The following PPARGC1A variants were observed in gnomAD, a reference collection of about 807,000 sequenced individuals.
PPARGC1A encodes the protein peroxisome proliferator-activated receptor gamma coactivator 1-alpha.
In PPARGC1A, 25 loss-of-function variants were observed where a neutral mutation model predicts 88.7. That is an observed-to-expected ratio of 0.28 (90% CI 0.21 to 0.39). The LOEUF (loss-of-function observed/expected upper bound fraction) is 0.39. Ranked by LOEUF, PPARGC1A falls within the 10% of genes least tolerant of loss-of-function variation. The probability of loss-of-function intolerance (pLI) is 1.00; values close to 1 mark genes in which losing one functional copy is unlikely to be tolerated. For missense variants in PPARGC1A, 880 were observed against 968.7 expected (o/e 0.91, Z 1.22); for synonymous variants, 363 against 355.6 (o/e 1.02, Z -0.24).
chr4:23,996,569 C>T, the PPARGC1A span, among the ~76,000 whole-genome samples: 1 of 152,134 alleles, frequency 6.6e-6, no homozygotes, highest in Non-Finnish European at 1.5e-5. Context: ...CGTACTTCCC[C>T]TACTCTCTCC....
intron 3 of PPARGC1A, 67 bp from the exon 4 acceptor site, chr4:23,829,652 T>C: frequency 7.0e-7 from 1 of 1,423,324 alleles, no homozygotes; most frequent in South Asian, 1.5e-5. Context: ...TTGGAATAAG[T>C]TATTGAAATT....
At chr4:24,058,607 G>A in the PPARGC1A span, among the ~76,000 whole-genome samples, 1 of 152,294 alleles carries the variant, frequency 6.6e-6, no homozygotes, top group Admixed American at 6.5e-5. Flanking sequence ...ACAAGTTCAG[G>A]TCAACGAGTG....
the PPARGC1A span, among the ~76,000 whole-genome samples, chr4:23,922,395 C>T: frequency 0.015 from 2,274 of 152,304 alleles, 61 homozygotes; most frequent in South Asian, 0.13. Context: ...CTATAACCAT[C>T]GAAGCGTTTC....
the PPARGC1A span, among the ~76,000 whole-genome samples, chr4:24,315,797 A>C: frequency 6.6e-6 from 1 of 152,196 alleles, no homozygotes; most frequent in Non-Finnish European, 1.5e-5. Context: ...TCAATACTGC[A>C]ACAGTTGAGA....
chr4:23,959,770 T>C, the PPARGC1A span, among the ~76,000 whole-genome samples: 117 of 152,228 alleles, frequency 7.7e-4, 3 homozygotes, highest in East Asian at 0.016. Context: ...GTCCTTCTCA[T>C]TTATAGAGCA....
chr4:24,050,194 C>CTTTTTTTTTTTTTTTTTTTTTTTTTTTTT, the PPARGC1A span, among the ~76,000 whole-genome samples: 16 of 127,808 alleles, frequency 1.3e-4, 7 homozygotes, highest in Non-Finnish European at 1.1e-4. Context: ...CTTAGGTGAC[C>CTTTTTTTTTTTTTTTTTTTTTTTTTTTTT]TTTTGTTTTT....
chr4:23,873,524 C>CT (rs1560488991), intron 2 of PPARGC1A, among the ~76,000 whole-genome samples: 1 of 152,208 alleles, frequency 6.6e-6, no homozygotes, highest in Non-Finnish European at 1.5e-5. Context: ...AAACTGGTCT[C>CT]TGAGTTTCTC....
the PPARGC1A span, among the ~76,000 whole-genome samples, chr4:24,054,636 A>G: frequency 3.3e-5 from 5 of 152,222 alleles, no homozygotes; most frequent in Admixed American, 3.3e-4. Flanking sequence ...CCATGGTAAA[A>G]ACATTATCTC....
At chr4:24,224,223 G>A in the PPARGC1A span, among the ~76,000 whole-genome samples, 2 of 152,114 alleles carry the variant, frequency 1.3e-5, no homozygotes, top group East Asian at 3.9e-4. Flanking sequence ...CAGACTGCAC[G>A]CCTACTGTCA....
At chr4:24,007,794 C>T in the PPARGC1A span, among the ~76,000 whole-genome samples, 4 of 152,030 alleles carry the variant, frequency 2.6e-5, no homozygotes, top group African/African-American at 9.6e-5. Context: ...CAGATTAAAA[C>T]CAGCATTCTG....
the PPARGC1A span, among the ~76,000 whole-genome samples, chr4:24,433,130 C>T: frequency 3.9e-5 from 6 of 152,122 alleles, no homozygotes; most frequent in Non-Finnish European, 7.3e-5. Context: ...GAGATATGTC[C>T]ACCTGGGTAA....
At chr4:23,909,832 A>C in the PPARGC1A span, among the ~76,000 whole-genome samples, 1 of 151,698 alleles carries the variant, frequency 6.6e-6, no homozygotes, top group Non-Finnish European at 1.5e-5. Context: ...TCTTCTCAAT[A>C]CTAAGGAGGC....
the PPARGC1A span, among the ~76,000 whole-genome samples, chr4:23,943,175 T>C: frequency 9.3e-3 from 1,410 of 152,234 alleles, 24 homozygotes; most frequent in African/African-American, 0.032. Flanking sequence ...AAGTACAATT[T>C]TGATTTATCA....
At chr4:24,026,893 C>G in the PPARGC1A span, among the ~76,000 whole-genome samples, 3 of 152,082 alleles carry the variant, frequency 2.0e-5, no homozygotes, top group Non-Finnish European at 4.4e-5. Flanking sequence ...TGATAACGTG[C>G]CTTAAATTGC....
At chr4:24,243,303 T>C in the PPARGC1A span, among the ~76,000 whole-genome samples, 2 of 152,146 alleles carry the variant, frequency 1.3e-5, no homozygotes, top group Non-Finnish European at 2.9e-5. Flanking sequence ...ATTGGAAGAA[T>C]ATTAGGTGCA....
the PPARGC1A span, among the ~76,000 whole-genome samples, chr4:24,029,603 A>G: frequency 6.6e-6 from 1 of 152,192 alleles, no homozygotes; most frequent in East Asian, 1.9e-4. Flanking sequence ...TAAATGGGAT[A>G]CCATGTGCAA....
the PPARGC1A span, among the ~76,000 whole-genome samples, chr4:24,462,869 T>A: frequency 6.6e-6 from 1 of 151,622 alleles, no homozygotes; most frequent in African/African-American, 2.4e-5. Context: ...GTCTTTCAGG[T>A]CCAAGGTCTC....
chr4:24,209,831 T>C, the PPARGC1A span, among the ~76,000 whole-genome samples: 1 of 152,212 alleles, frequency 6.6e-6, no homozygotes, highest in Non-Finnish European at 1.5e-5. Context: ...TACACATTTA[T>C]TGGAGGTATA....
the PPARGC1A span, among the ~76,000 whole-genome samples, chr4:24,467,026 GAAAGAGAA>G: frequency 5.2e-5 from 7 of 134,252 alleles, no homozygotes; most frequent in African/African-American, 2.0e-4. Context: ...AAGAAAGAAA[GAAAGAGAA>G]AGAGAGAGAG....
Sources: allele counts gnomAD v4.1 joint callset (sites outside exome capture counted in the v4.1 genomes callset), GRCh38; gene constraint gnomAD v4.1.1; transcripts MANE v1.5; gene names NCBI Gene and HGNC (gene_info 2026-07-23, HGNC 2026-07-21).